Variants in ZDHHC15 observed in about 807,000 individuals in gnomAD.
ZDHHC15 encodes zDHHC palmitoyltransferase 15.
In ZDHHC15, 19 loss-of-function variants were observed where a neutral mutation model predicts 31.7. The ratio of observed to expected loss-of-function variants is 0.60; its 90% CI spans 0.42 to 0.88. The LOEUF is 0.88. Ranked by LOEUF, ZDHHC15 falls within the 40% of genes least tolerant of loss-of-function variation. The probability of loss-of-function intolerance (pLI) is 0.00; values close to 1 mark genes in which losing one functional copy is unlikely to be tolerated. For synonymous variants in ZDHHC15, 103 were observed against 90.0 expected (o/e 1.14, Z -0.82); for missense variants, 209 against 251.2 (o/e 0.83, Z 1.14).
intron 1 of ZDHHC15, among the ~76,000 whole-genome samples, chrX:75,520,481 A>G (rs2085427223): frequency 8.9e-6 from 1 of 111,864 alleles, no homozygotes; most frequent in Non-Finnish European, 1.9e-5. Context: ...GCACAGAGTA[A>G]GCAATACATA....
At chrX:75,403,299 A>T (rs1000035175) in intron 10 of ZDHHC15, among the ~76,000 whole-genome samples, 1 of 111,989 alleles carries the variant, frequency 8.9e-6, no homozygotes, top group Non-Finnish European at 1.9e-5. Flanking sequence ...AGCAGGAAGC[A>T]TTCTCCTTGA....
chrX:75,469,180 CAA>C (rs1446195659), intron 3 of ZDHHC15, among the ~76,000 whole-genome samples: 4 of 111,642 alleles, frequency 3.6e-5, no homozygotes, highest in Non-Finnish European at 7.5e-5. Context: ...AAGTTTTACT[CAA>C]AGAGTTTTGT....
At chrX:75,495,378 C>T (rs1025370356) in intron 2 of ZDHHC15, among the ~76,000 whole-genome samples, 4 of 111,380 alleles carry the variant, frequency 3.6e-5, no homozygotes, top group Non-Finnish European at 7.5e-5. Context: ...TGTGGCGATT[C>T]CTCAGGGATC....
intron 3 of ZDHHC15, 135 bp from the exon 4 acceptor site, chrX:75,451,057 G>A: frequency 1.3e-6 from 1 of 740,835 alleles, no homozygotes; most frequent in African/African-American, 2.1e-5. Flanking sequence ...GTCTTATAAT[G>A]TTCTCTGGAT....
intron 1 of ZDHHC15, among the ~76,000 whole-genome samples, chrX:75,509,267 C>T (rs1393636889): frequency 1.8e-5 from 2 of 111,830 alleles, no homozygotes; most frequent in East Asian, 5.6e-4. Context: ...TTGCCATATA[C>T]TCATATGACA....
At chrX:75,490,926 A>T (rs1039142942) in intron 2 of ZDHHC15, among the ~76,000 whole-genome samples, 1 of 111,976 alleles carries the variant, frequency 8.9e-6, no homozygotes, top group African/African-American at 3.3e-5. Flanking sequence ...CCACAATGAG[A>T]TACCATCTCA....
chrX:75,447,863 T>G (rs2084055738), intron 4 of ZDHHC15, among the ~76,000 whole-genome samples: 1 of 112,009 alleles, frequency 8.9e-6, no homozygotes, highest in African/African-American at 3.2e-5. Context: ...GGAATCCTCG[T>G]ATCTCTGAAT....
At chrX:75,378,389 A>C (rs1275856497) in intron 11 of ZDHHC15, among the ~76,000 whole-genome samples, 1 of 112,222 alleles carries the variant, frequency 8.9e-6, no homozygotes, top group Non-Finnish European at 1.9e-5. Flanking sequence ...ACTTGTACAC[A>C]GCAGAATTTC....
Position 75,460,039 on chromosome X carries a change from C to T in ZDHHC15, c.259-9117G>A, listed in dbSNP as rs979872892. Among the ~76,000 whole-genome samples the T allele has an allele frequency of 2.7e-5, 3 of 112,106 alleles. No individual in the cohort carries two copies. In the Admixed American group the frequency reaches 2.8e-4, roughly 11 times the overall value. On this transcript the variant is annotated intron_variant, in intron 3 of 11. Transcript: ENST00000373367. ...TACAGGCATGGGCCACGATACCTGGCTAATTTTGTATTTTTAGTAGAGATG... is the reference window on the plus strand; with the variant it reads ...TACAGGCATGGGCCACGATACCTGGTTAATTTTGTATTTTTAGTAGAGATG...
intron 4 of ZDHHC15, among the ~76,000 whole-genome samples, chrX:75,437,088 A>C (rs1477148959): frequency 9.1e-6 from 1 of 109,948 alleles, no homozygotes; most frequent in African/African-American, 3.3e-5. Context: ...TCACCGTGTT[A>C]GCCAGGATGG....
chrX:75,496,274 G>C (rs1162061782), intron 2 of ZDHHC15, among the ~76,000 whole-genome samples: 3 of 111,636 alleles, frequency 2.7e-5, no homozygotes, highest in African/African-American at 9.8e-5. Flanking sequence ...ATTATATAAT[G>C]ATGAAAAATT....
intron 10 of ZDHHC15, among the ~76,000 whole-genome samples, chrX:75,408,404 C>T (rs1263090789): frequency 2.7e-5 from 3 of 110,782 alleles, no homozygotes; most frequent in Non-Finnish European, 3.8e-5. Context: ...TACAAGTTCC[C>T]TATATGATAA....
At chrX:75,432,579 T>C (rs2083794232) in intron 4 of ZDHHC15, among the ~76,000 whole-genome samples, 1 of 111,814 alleles carries the variant, frequency 8.9e-6, no homozygotes, top group Non-Finnish European at 1.9e-5. Flanking sequence ...TTAAGCCACA[T>C]TGTCTCTTAG....
chrX:75,515,683 A>G lies in ZDHHC15; in HGVS notation c.136+7206T>C, dbSNP rs187125537. 8.0e-3 allele frequency among the ~76,000 whole-genome samples: 892 copies of G among 111,962 alleles called. 11 individuals are homozygous for G. Among genetic ancestry groups the G allele is most frequent in the African/African-American group, 0.027 (820 of 30,793 alleles). On this transcript the variant is annotated intron_variant, in intron 1 of 11. Transcript: ENST00000373367. ...CTTTGAAAACTGGCACAAGACAGGG[A>G]TGCCCTCTCTCACCACTCCTATTCA...
chrX:75,467,690 C>CT (rs771605737), intron 3 of ZDHHC15, among the ~76,000 whole-genome samples: 83 of 112,527 alleles, frequency 7.4e-4, no homozygotes, highest in Non-Finnish European at 1.2e-3. Context: ...AACAATCAGA[C>CT]TTTCTACTGG....
intron 10 of ZDHHC15, among the ~76,000 whole-genome samples, chrX:75,390,632 C>G (rs961568058): frequency 9.0e-6 from 1 of 111,457 alleles, no homozygotes. Context: ...TATGCAAGAG[C>G]CACAGCATTA....
At chrX:75,507,313 A>C in intron 1 of ZDHHC15, among the ~76,000 whole-genome samples, 1 of 111,370 alleles carries the variant, frequency 9.0e-6, no homozygotes, top group South Asian at 3.7e-4. Context: ...TGACTTGTAA[A>C]GTCTTTATTA....
At position 75,379,162 on chromosome X, in the gene ZDHHC15, G is replaced by A. The variant is rs148698894; in HGVS notation, c.1004C>T (p.Thr335Met). 99 of 1,209,498 alleles carry A rather than the reference G, an allele frequency of 8.2e-5. No individual in the cohort carries two copies. Among genetic ancestry groups the A allele is most frequent in the African/African-American group, 5.8e-4 (33 of 57,239 alleles). The change falls in exon 11 of 12, where the codon ACG (threonine) becomes ATG (methionine). Residue 335 changes from threonine to methionine, a missense_variant. Transcript: ENST00000373367. Reference sequence around the variant, plus strand: ...GAAATGTGAAAACTGCTATGTTTCCGTTTCCACAGCAAGAGATGATGAGCC... The same window carrying A: ...GAAATGTGAAAACTGCTATGTTTCCATTTCCACAGCAAGAGATGATGAGCC... Reference protein sequence around the residue: ...PEGSSSLAVETET With the variant: ...PEGSSSLAVEMET
At chrX:75,407,761 A>G (rs1294912878) in intron 10 of ZDHHC15, among the ~76,000 whole-genome samples, 1 of 113,062 alleles carries the variant, frequency 8.8e-6, no homozygotes, top group Non-Finnish European at 1.9e-5. Flanking sequence ...CAGTTTTGTC[A>G]AATAGAAAGG....
Sources: gnomAD v4.1 joint callset for allele counts (sites outside exome capture counted in the v4.1 genomes callset) on GRCh38, gnomAD v4.1.1 for gene constraint, MANE v1.5 for transcripts, NCBI Gene and HGNC (gene_info 2026-07-23, HGNC 2026-07-21) for gene names.